ORC4: variants seen among roughly 807,000 people sequenced by gnomAD.
ORC4 encodes the protein origin recognition complex, subunit 4 homolog.
In ORC4, 55 loss-of-function variants were observed where a neutral mutation model predicts 63.9. The observed-to-expected ratio is 0.86, with a 90% CI of 0.69 to 1.08. ORC4 has a LOEUF of 1.08. Among genes scored for constraint, ORC4 ranks in the 50% least tolerant of loss-of-function variants. The probability of loss-of-function intolerance (pLI) is 0.00; values close to 1 mark genes in which losing one functional copy is unlikely to be tolerated. For missense variants in ORC4, 511 were observed against 504.4 expected (o/e 1.01, Z -0.13); for synonymous variants, 150 against 168.5 (o/e 0.89, Z 0.85).
chr2:147,974,247 T>C (rs900801106), intron 2 of ORC4, among the ~76,000 whole-genome samples: 1 of 152,194 alleles, frequency 6.6e-6, no homozygotes, highest in African/African-American at 2.4e-5. Flanking sequence ...GAGTCTATTA[T>C]ATGAATTTTA....
At chr2:147,966,866 C>T (rs1689923211) in intron 4 of ORC4, among the ~76,000 whole-genome samples, 1 of 152,034 alleles carries the variant, frequency 6.6e-6, no homozygotes, top group Non-Finnish European at 1.5e-5. Context: ...CCAGCATAAC[C>T]CTGACATCAA....
At chr2:147,977,697 T>C (rs1690646131) in intron 1 of ORC4, among the ~76,000 whole-genome samples, 1 of 152,188 alleles carries the variant, frequency 6.6e-6, no homozygotes, top group African/African-American at 2.4e-5. Flanking sequence ...ATATGAACCC[T>C]ATCTGGTCCC....
chr2:147,952,086 C>T (rs184246867), intron 8 of ORC4, among the ~76,000 whole-genome samples: 11 of 152,060 alleles, frequency 7.2e-5, no homozygotes, highest in East Asian at 1.9e-4. Flanking sequence ...GAGATTTAAC[C>T]GCCTCATTAC....
chr2:147,937,424 C>T (rs1291875518), intron 13 of ORC4, among the ~76,000 whole-genome samples: 4 of 152,078 alleles, frequency 2.6e-5, no homozygotes, highest in Non-Finnish European at 4.4e-5. Flanking sequence ...CTCAGCTATA[C>T]ATTTTATGGA....
intron 7 of ORC4, among the ~76,000 whole-genome samples, chr2:147,954,665 C>T (rs1689145676): frequency 6.6e-6 from 1 of 152,126 alleles, no homozygotes; most frequent in South Asian, 2.1e-4. Context: ...TATGAAATGA[C>T]AAGCATCACC....
intron 1 of ORC4, among the ~76,000 whole-genome samples, chr2:147,990,703 C>T (rs1301876443): frequency 6.6e-6 from 1 of 152,134 alleles, no homozygotes; most frequent in African/African-American, 2.4e-5. Flanking sequence ...TTTTCCTCCT[C>T]ATTTGTTGCC....
intron 5 of ORC4, 157 bp from the exon 6 acceptor site, chr2:147,958,540 A>G: frequency 1.6e-6 from 1 of 624,598 alleles, no homozygotes; most frequent in Admixed American, 3.0e-5. Flanking sequence ...GGTAGAATCA[A>G]AAAACAATCC....
intron 1 of ORC4, among the ~76,000 whole-genome samples, chr2:147,978,975 C>T (rs1342012452): frequency 1.3e-5 from 2 of 152,034 alleles, no homozygotes; most frequent in South Asian, 2.1e-4. Context: ...ACAATAAAGG[C>T]CATATATAAC....
At chr2:147,971,498 T>C (rs1009822311) in intron 4 of ORC4, among the ~76,000 whole-genome samples, 3 of 151,870 alleles carry the variant, frequency 2.0e-5, no homozygotes, top group Non-Finnish European at 4.4e-5. Flanking sequence ...AAAAGAAGTG[T>C]ATGAAAAGAT....
At chr2:148,011,126 G>A (rs1403024813) in intron 1 of ORC4, among the ~76,000 whole-genome samples, 1 of 151,916 alleles carries the variant, frequency 6.6e-6, no homozygotes, top group Non-Finnish European at 1.5e-5. Context: ...ACCATGCCTG[G>A]CCCCAGATTT....
chr2:147,940,533 A>G (rs979045757), intron 10 of ORC4, among the ~76,000 whole-genome samples: 34 of 152,076 alleles, frequency 2.2e-4, no homozygotes, highest in African/African-American at 8.2e-4. Flanking sequence ...ACCAACCCAA[A>G]TGCCCATCAA....
chr2:147,941,058 T>C (rs1490928451), intron 10 of ORC4, among the ~76,000 whole-genome samples: 1 of 152,154 alleles, frequency 6.6e-6, no homozygotes, highest in Admixed American at 6.6e-5. Context: ...CTAATACTTC[T>C]ACTACATATA....
chr2:148,001,347 C>A (rs1692289548), intron 1 of ORC4, among the ~76,000 whole-genome samples: 1 of 152,034 alleles, frequency 6.6e-6, no homozygotes, highest in Non-Finnish European at 1.5e-5. Context: ...AACTTGGCTT[C>A]TTATACTGCA....
intron 1 of ORC4, among the ~76,000 whole-genome samples, chr2:148,005,749 C>T (rs1411045584): frequency 1.3e-5 from 2 of 150,154 alleles, no homozygotes; most frequent in Non-Finnish European, 2.9e-5. Context: ...AAGGTCAAGG[C>T]GAGTGGATCA....
chr2:147,997,454 T>A (rs913652161), intron 1 of ORC4, among the ~76,000 whole-genome samples: 1 of 152,186 alleles, frequency 6.6e-6, no homozygotes, highest in Non-Finnish European at 1.5e-5. Context: ...ATTTTTTATA[T>A]CTTATCTTTC....
intron 1 of ORC4, among the ~76,000 whole-genome samples, chr2:147,987,122 C>T (rs1251701310): frequency 1.3e-5 from 2 of 151,154 alleles, no homozygotes; most frequent in African/African-American, 2.4e-5. Context: ...GTCTCAGCCT[C>T]CTAAGTAGCT....
intron 4 of ORC4, among the ~76,000 whole-genome samples, chr2:147,962,160 C>G (rs1689635596): frequency 6.6e-6 from 1 of 152,140 alleles, no homozygotes; most frequent in Non-Finnish European, 1.5e-5. Flanking sequence ...TTCCCGTAGT[C>G]AGGAGGGACT....
chr2:148,021,463 T>TTGCTGCTGCTGCTGCTGTTGCTGC (rs1558888979), upstream of ORC4: 15 of 573,776 alleles, frequency 2.6e-5, 2 homozygotes, highest in East Asian at 3.6e-4. Flanking sequence ...GCTGCTGCTG[T>TTGCTGCTGCTGCTGCTGTTGCTGC]TGCTGCTGCT....
chr2:147,972,268 T>C (rs1223954048), intron 4 of ORC4, among the ~76,000 whole-genome samples: 1 of 152,032 alleles, frequency 6.6e-6, no homozygotes, highest in Admixed American at 6.6e-5. Context: ...GTTAAACAAA[T>C]AGTAATGATG....
Sources: allele counts gnomAD v4.1 joint callset (sites outside exome capture counted in the v4.1 genomes callset), GRCh38; gene constraint gnomAD v4.1.1; transcripts MANE v1.5; gene names NCBI Gene and HGNC (gene_info 2026-07-23, HGNC 2026-07-21).